Variants in HPSE2 observed in about 807,000 individuals in gnomAD.
The protein encoded by HPSE2 is heparanase 2 (inactive).
A neutral mutation model predicts 60.5 loss-of-function variants in HPSE2; 38 were observed. The ratio of observed to expected loss-of-function variants is 0.63; its 90% confidence interval spans 0.48 to 0.82. HPSE2 has a LOEUF of 0.82. Ranked by LOEUF, HPSE2 falls within the 40% of genes least tolerant of loss-of-function variation. The pLI is 0.00. For missense variants in HPSE2, 713 were observed against 740.4 expected, an observed-to-expected ratio of 0.96 and a Z score of 0.43; for synonymous variants, 295 against 293.2, an observed-to-expected ratio of 1.01 and a Z score of -0.06.
the HPSE2 span, among the ~76,000 whole-genome samples, chr10:99,257,581 AC>A: frequency 6.6e-6 from 1 of 151,932 alleles, no homozygotes; most frequent in Non-Finnish European, 1.5e-5. Flanking sequence ...CTGCTCTCAA[AC>A]CCTGTCTCCT....
At chr10:98,894,888 A>G (rs1290683714) in intron 3 of HPSE2, among the ~76,000 whole-genome samples, 1 of 152,094 alleles carries the variant, frequency 6.6e-6, no homozygotes, top group Non-Finnish European at 1.5e-5. Context: ...GAAAAGAAAA[A>G]TGGTATACAC....
chr10:98,953,811 G>A (rs746110392), intron 3 of HPSE2, among the ~76,000 whole-genome samples: 6 of 152,206 alleles, frequency 3.9e-5, no homozygotes, highest in East Asian at 1.9e-4. Context: ...TGGTGACTAC[G>A]CAACATTGAA....
chr10:98,908,683 C>CAAAAAA (rs35913499), intron 3 of HPSE2, among the ~76,000 whole-genome samples: 3 of 66,104 alleles, frequency 4.5e-5, no homozygotes, highest in Admixed American at 2.2e-4. Context: ...AGCTCCATCT[C>CAAAAAA]AAAAAAAAAA....
intron 8 of HPSE2, among the ~76,000 whole-genome samples, chr10:98,618,594 C>T (rs1945984993): frequency 6.6e-6 from 1 of 151,756 alleles, no homozygotes; most frequent in South Asian, 2.1e-4. Flanking sequence ...ATCTGGGGGG[C>T]ATGGGGGAGG....
chr10:99,079,988 T>G (rs1179804789), intron 3 of HPSE2, among the ~76,000 whole-genome samples: 1 of 152,210 alleles, frequency 6.6e-6, no homozygotes, highest in Non-Finnish European at 1.5e-5. Flanking sequence ...TGTATGGTAC[T>G]GTGCCAGGGT....
Position 98,930,940 on chromosome 10 carries a change from T to C in HPSE2, c.611-186884A>G, listed in dbSNP as rs1177867919. Among the ~76,000 whole-genome samples, 3 of 144,434 alleles carry C rather than the reference T, an allele frequency of 2.1e-5. 1 individual carries two copies. The highest frequency in any genetic ancestry group is 5.6e-5 in the African/African-American group (2 of 35,694). 94.8% of individuals were successfully genotyped at this position (144,434 alleles called of 152,430 possible). A position where few individuals can be genotyped will look rare whatever the true frequency, so the allele number is the denominator to read the frequency against. The stretch of plus-strand genomic sequence containing the variant: ...GGTTATCTGTTCACTCTGATGATAG[T>C]TTCATTTGCTGTGAAGAAGCTCCTT... On this transcript the variant is annotated intron_variant, in intron 3 of 11. Coordinates refer to ENST00000370552, the MANE Select transcript of HPSE2 (RefSeq NM_021828.5).
At chr10:99,110,644 A>G (rs1273330587) in intron 3 of HPSE2, among the ~76,000 whole-genome samples, 1 of 152,174 alleles carries the variant, frequency 6.6e-6, no homozygotes, top group Non-Finnish European at 1.5e-5. Flanking sequence ...TCCTAACGAC[A>G]GAAGAAAAAT....
chr10:99,045,269 C>T lies in HPSE2; in HGVS notation c.610+98969G>A, dbSNP rs961060287. On this transcript the variant is annotated intron_variant, in intron 3 of 11. Coordinates refer to ENST00000370552, the MANE Select transcript of HPSE2 (RefSeq NM_021828.5). ...CTCCCAAATAATTCCTGTGTAAGCA[C>T]TGAAATTAAGGCAGAGATTAAAAAA... is the stretch of plus-strand genomic sequence containing the variant. 2.6e-5 allele frequency among the ~76,000 whole-genome samples: 4 copies of T among 151,970 alleles called. No homozygotes were observed. In the South Asian group the frequency reaches 8.3e-4, roughly 32 times the overall value.
rs367826820 is a variant in HPSE2 at position 99,164,685 on chromosome 10, A to T, written c.449-20286T>A. ...TATCTATATTTATTTCACTATCTTAAAAGGAAAAGAAGGACACTCTAGTCC... is the reference window on the plus strand; with the variant it reads ...TATCTATATTTATTTCACTATCTTATAAGGAAAAGAAGGACACTCTAGTCC... On this transcript the variant is annotated intron_variant, in intron 2 of 11. Coordinates refer to ENST00000370552, the MANE Select transcript of HPSE2 (RefSeq NM_021828.5). Among the ~76,000 whole-genome samples, 3 of 152,314 alleles carry T rather than the reference A, an allele frequency of 2.0e-5. No individual in the cohort carries two copies. In the South Asian group the frequency reaches 6.2e-4, roughly 32 times the overall value.
At chr10:98,610,874 A>G (rs1409089881) in intron 9 of HPSE2, among the ~76,000 whole-genome samples, 1 of 152,326 alleles carries the variant, frequency 6.6e-6, no homozygotes, top group East Asian at 1.9e-4. Flanking sequence ...GTAATTCACC[A>G]TTCCTTTCCC....
At chr10:99,129,639 C>T (rs1845301894) in intron 3 of HPSE2, among the ~76,000 whole-genome samples, 1 of 151,544 alleles carries the variant, frequency 6.6e-6, no homozygotes, top group South Asian at 2.1e-4. Flanking sequence ...TAAAGCAATG[C>T]TAAGAGGAAA....
chr10:99,182,210 G>A (rs774028201), intron 2 of HPSE2, among the ~76,000 whole-genome samples: 2 of 152,136 alleles, frequency 1.3e-5, no homozygotes, highest in Non-Finnish European at 2.9e-5. Context: ...CTCTTTTAGC[G>A]ATTTTCCTCA....
Position 99,105,324 on chromosome 10 carries a change from C to T in HPSE2, c.610+38914G>A, listed in dbSNP as rs939382388. ...TATTGTGCTTTTAATTTCAACTTTC[C>T]TGTTGGTTAATGATGTTAAGCATCT... is the stretch of plus-strand genomic sequence containing the variant. On this transcript the variant is annotated intron_variant, in intron 3 of 11. Transcript: ENST00000370552. 1.3e-4 allele frequency among the ~76,000 whole-genome samples: 20 copies of T among 152,226 alleles called. No homozygotes were observed. In the Middle Eastern group the frequency reaches 0.01, roughly 78 times the overall value.
the HPSE2 span, among the ~76,000 whole-genome samples, chr10:99,278,709 A>G: frequency 1.3e-5 from 2 of 152,218 alleles, no homozygotes; most frequent in Non-Finnish European, 2.9e-5. Context: ...TCCCAGTTCC[A>G]CTAAACTTAC....
At chr10:98,667,639 T>C (rs1278541857) in intron 6 of HPSE2, among the ~76,000 whole-genome samples, 1 of 152,142 alleles carries the variant, frequency 6.6e-6, no homozygotes, top group Non-Finnish European at 1.5e-5. Flanking sequence ...AAATCAATAA[T>C]TGTGATTAAC....
intron 2 of HPSE2, among the ~76,000 whole-genome samples, chr10:99,152,331 A>T (rs1408632977): frequency 4.0e-5 from 6 of 150,678 alleles, no homozygotes; most frequent in African/African-American, 1.5e-4. Flanking sequence ...AAAAAAAAAG[A>T]CTGAGAGAAT....
chr10:98,843,138 G>T (rs552261466), intron 3 of HPSE2, among the ~76,000 whole-genome samples: 1 of 151,460 alleles, frequency 6.6e-6, no homozygotes, highest in African/African-American at 2.4e-5. Flanking sequence ...CATCACCCGG[G>T]TATTAAGCCT....
intron 9 of HPSE2, among the ~76,000 whole-genome samples, chr10:98,562,950 A>G (rs539936614): frequency 3.3e-5 from 5 of 152,098 alleles, no homozygotes; most frequent in Non-Finnish European, 7.4e-5. Flanking sequence ...TGTCACACAA[A>G]TGGTTCCTGG....
chr10:98,647,053 C>T (rs1363027786), intron 6 of HPSE2, among the ~76,000 whole-genome samples: 1 of 152,196 alleles, frequency 6.6e-6, no homozygotes, highest in Non-Finnish European at 1.5e-5. Context: ...AAGCCCATCT[C>T]ACAGGGATAC....
Sources: allele counts gnomAD v4.1 joint callset (sites outside exome capture counted in the v4.1 genomes callset), GRCh38; gene constraint gnomAD v4.1.1; transcripts MANE v1.5; gene names NCBI Gene and HGNC (gene_info 2026-07-23, HGNC 2026-07-21).